Variants in NPIPB2 observed in about 807,000 individuals in gnomAD.
NPIPB2 encodes the protein nuclear pore complex-interacting protein family member B2.
In NPIPB2, 27 loss-of-function variants were observed where a neutral mutation model predicts 30.8. The ratio of observed to expected loss-of-function variants is 0.88; its 90% CI spans 0.65 to 1.21. The LOEUF (loss-of-function observed/expected upper bound fraction) is 1.21. Ranked by LOEUF, NPIPB2 falls within the 50% of genes most tolerant of loss-of-function variation. NPIPB2 has a pLI of 0.00. For synonymous variants in NPIPB2, 147 were observed against 162.0 expected (o/e 0.91, Z 0.70); for missense variants, 440 against 446.2 (o/e 0.99, Z 0.13).
chr16:11,949,653 C>T (rs574248301), intron 1 of NPIPB2, among the ~76,000 whole-genome samples: 1 of 152,224 alleles, frequency 6.6e-6, no homozygotes, highest in East Asian at 1.9e-4. Context: ...TAGCCAAGCC[C>T]TGGCCAGTCT....
rs558418776 is a variant in NPIPB2 at position 11,965,203 on chromosome 16, G to A, written c.-584+11365C>T. 4.5e-6 allele frequency: 6 copies of A among 1,327,554 alleles called. No individual in the cohort carries two copies. The African/African-American group carries it at 5.8e-5, about 13-fold the overall frequency. 82.2% of individuals were successfully genotyped at this position (1,327,554 alleles called of 1,614,324 possible). On this transcript the variant is annotated intron_variant, in intron 1 of 5. Transcript: ENST00000538896. ...CCCCGTAAGAACCCACGAAGCAGGC[G>A]AAGTTCATTGTTCTCAACATTCTAG...
intron 1 of NPIPB2, among the ~76,000 whole-genome samples, chr16:11,961,275 G>C (rs1490110620): frequency 6.6e-6 from 1 of 152,100 alleles, no homozygotes; most frequent in Non-Finnish European, 1.5e-5. Flanking sequence ...GGAGCCTCCT[G>C]GGCCAGCTGC....
chr16:11,965,760 CTTGA>C (rs1333750686), intron 1 of NPIPB2, among the ~76,000 whole-genome samples: 1 of 152,116 alleles, frequency 6.6e-6, no homozygotes, highest in Non-Finnish European at 1.5e-5. Flanking sequence ...ATAATCCATA[CTTGA>C]TTATTTTGCT....
At chr16:11,974,699 C>G (rs1596510860) in intron 1 of NPIPB2, among the ~76,000 whole-genome samples, 1 of 152,164 alleles carries the variant, frequency 6.6e-6, no homozygotes, top group South Asian at 2.1e-4. Context: ...TTTCTTCACT[C>G]GGGGTGTGGG....
chr16:11,952,440 A>G (rs2055076022), intron 1 of NPIPB2, among the ~76,000 whole-genome samples: 1 of 152,086 alleles, frequency 6.6e-6, no homozygotes. Context: ...AATCTATATG[A>G]AAGAATCTGT....
upstream of NPIPB2, among the ~76,000 whole-genome samples, chr16:11,947,040 T>TATATATATA (rs138584572): frequency 2.1e-5 from 3 of 139,826 alleles, no homozygotes; most frequent in Non-Finnish European, 4.6e-5. Flanking sequence ...ACTATTTGAA[T>TATATATATA]TATATATATA....
chr16:11,956,887 C>G (rs916914250), intron 1 of NPIPB2, among the ~76,000 whole-genome samples: 1 of 152,230 alleles, frequency 6.6e-6, no homozygotes, highest in Non-Finnish European at 1.5e-5. Context: ...AGGTACCCTG[C>G]TGACCAGGCC....
At chr16:11,961,663 C>G (rs1451244722) in intron 1 of NPIPB2, among the ~76,000 whole-genome samples, 1 of 151,554 alleles carries the variant, frequency 6.6e-6, no homozygotes, top group Non-Finnish European at 1.5e-5. Flanking sequence ...ACCTGTAATC[C>G]CAGCTACTAG....
At chr16:11,936,170 G>C (rs1334230033) in intron 2 of NPIPB2, among the ~76,000 whole-genome samples, 88 of 147,530 alleles carry the variant, frequency 6.0e-4, no homozygotes, top group African/African-American at 1.4e-3. Flanking sequence ...TGGGCATGGT[G>C]GTGGGCACCT....
chr16:11,938,744 A>T (rs187531691), intron 1 of NPIPB2, among the ~76,000 whole-genome samples: 69 of 151,836 alleles, frequency 4.5e-4, no homozygotes, highest in African/African-American at 1.6e-3. Flanking sequence ...AGTATAAAGT[A>T]ATTATCTTTT....
chr16:11,971,041 G>A (rs920164003), intron 1 of NPIPB2, among the ~76,000 whole-genome samples: 10 of 150,862 alleles, frequency 6.6e-5, no homozygotes, highest in African/African-American at 2.4e-4. Context: ...TCTTTTAGTA[G>A]AGATGGAGTT....
chr16:11,957,165 CTTTTTT>C (rs34981281), intron 1 of NPIPB2, among the ~76,000 whole-genome samples: 5 of 118,942 alleles, frequency 4.2e-5, no homozygotes, highest in African/African-American at 1.3e-4. Context: ...CTAACTTTTT[CTTTTTT>C]TTTTTTTTTT....
At chr16:11,937,279 G>C (rs1262335782) in intron 2 of NPIPB2, among the ~76,000 whole-genome samples, 3 of 152,118 alleles carry the variant, frequency 2.0e-5, no homozygotes, top group Admixed American at 6.6e-5. Context: ...TACTCCATTT[G>C]TGACAAATAG....
At chr16:11,969,377 C>T (rs2055220598) in intron 1 of NPIPB2, among the ~76,000 whole-genome samples, 2 of 152,098 alleles carry the variant, frequency 1.3e-5, no homozygotes, top group Admixed American at 6.6e-5. Context: ...CTGCCTCAGC[C>T]ACCCGAGTAG....
intron 1 of NPIPB2, chr16:11,956,245 T>C (rs2055111687): frequency 6.6e-6 from 1 of 152,146 alleles, no homozygotes; most frequent in African/African-American, 2.4e-5. Flanking sequence ...GCCCTGTAAG[T>C]GGGAGAACCA....
At chr16:11,974,103 A>T (rs1289711818) in intron 1 of NPIPB2, among the ~76,000 whole-genome samples, 1 of 152,024 alleles carries the variant, frequency 6.6e-6, no homozygotes, top group African/African-American at 2.4e-5. Context: ...TGGCTTTGAG[A>T]GATTTGCTGT....
rs1281868440 is a variant in NPIPB2 at position 11,953,775 on chromosome 16, GCAC to G, written c.-583-11664_-583-11662del. 5.7e-3 allele frequency among the ~76,000 whole-genome samples: 813 copies of G among 142,204 alleles called. 11 individuals are homozygous for G. Among genetic ancestry groups the G allele is most frequent in the African/African-American group, 0.02 (771 of 38,000 alleles). 93.3% of individuals were successfully genotyped at this position (142,204 alleles called of 152,430 possible). ...CTGTGGTCTGGGCTGGAATGCAGTG[GCAC>G]GATTCTCCTGCCTCAACCTCCTGAG... On this transcript the variant is annotated intron_variant, in intron 1 of 5. Transcript: ENST00000538896.
At chr16:11,931,255 C>T (rs1480236564) in intron 4 of NPIPB2, among the ~76,000 whole-genome samples, 3 of 130,082 alleles carry the variant, frequency 2.3e-5, no homozygotes, top group African/African-American at 9.0e-5. Flanking sequence ...AACCATCCAC[C>T]CTGGTGTTGA....
intron 1 of NPIPB2, among the ~76,000 whole-genome samples, chr16:11,953,071 G>A (rs1429636841): frequency 2.6e-5 from 4 of 152,228 alleles, no homozygotes; most frequent in African/African-American, 7.2e-5. Context: ...GGTCTCTGCT[G>A]AATTCATTCC....
Sources: gnomAD v4.1 joint callset for allele counts (sites outside exome capture counted in the v4.1 genomes callset) on GRCh38, gnomAD v4.1.1 for gene constraint, MANE v1.5 for transcripts, NCBI Gene and HGNC (gene_info 2026-07-23, HGNC 2026-07-21) for gene names.